The following NHERF2 variants were observed in gnomAD, a reference collection of about 807,000 sequenced individuals.
NHERF2 encodes the protein Na(+)/H(+) exchange regulatory cofactor NHE-RF2.
the NHERF2 span, among the ~76,000 whole-genome samples, chr16:2,035,170 A>T: frequency 6.6e-6 from 1 of 152,052 alleles, no homozygotes; most frequent in Non-Finnish European, 1.5e-5. Context: ...GGTGTTCCAG[A>T]CCAAGGGCAG....
the NHERF2 span, chr16:2,035,607 G>A: frequency 1.0e-6 from 1 of 986,442 alleles, no homozygotes; most frequent in Non-Finnish European, 1.2e-6. Flanking sequence ...CCGCACCCTG[G>A]CCCACCCCCT....
chr16:2,026,965 C>T, the NHERF2 span: 4 of 916,560 alleles, frequency 4.4e-6, no homozygotes, highest in Non-Finnish European at 5.2e-6. Context: ...CCGAGCTCCC[C>T]CGCGCCCCTG....
the NHERF2 span, chr16:2,029,388 G>T: frequency 1.7e-6 from 1 of 597,160 alleles, no homozygotes; most frequent in Non-Finnish European, 3.0e-6. Flanking sequence ...AGTGTCCGGA[G>T]CCTGAGTGCA....
chr16:2,035,386 C>G, the NHERF2 span: 23 of 985,822 alleles, frequency 2.3e-5, no homozygotes, highest in African/African-American at 3.8e-4. Context: ...GCCATGCCGC[C>G]CCAGCCCTGG....
At chr16:2,037,632 G>A in the NHERF2 span, 40 of 1,606,324 alleles carry the variant, frequency 2.5e-5, no homozygotes, top group African/African-American at 5.3e-5. Context: ...GAGCTCACAC[G>A]TGGGGTTGCT....
the NHERF2 span, among the ~76,000 whole-genome samples, chr16:2,029,114 A>T: frequency 6.6e-6 from 1 of 152,224 alleles, no homozygotes; most frequent in African/African-American, 2.4e-5. Context: ...ATGGGCACAG[A>T]CACACTCAAA....
chr16:2,036,909 G>A, the NHERF2 span: 1 of 1,588,644 alleles, frequency 6.3e-7, no homozygotes, highest in Non-Finnish European at 8.6e-7. Context: ...GCACAGGGTG[G>A]GTGCGGTGTG....
the NHERF2 span, among the ~76,000 whole-genome samples, chr16:2,037,183 G>A: frequency 6.6e-6 from 1 of 152,212 alleles, no homozygotes; most frequent in Non-Finnish European, 1.5e-5. Context: ...AAGCCACGTG[G>A]GGCCCCTGGG....
chr16:2,034,786 T>TC, the NHERF2 span, among the ~76,000 whole-genome samples: 20 of 147,374 alleles, frequency 1.4e-4, no homozygotes, highest in African/African-American at 4.8e-4. Flanking sequence ...GTGCTCCACT[T>TC]CCCCTCCCGA....
the NHERF2 span, chr16:2,037,913 G>A: frequency 1.2e-6 from 2 of 1,612,422 alleles, no homozygotes; most frequent in Non-Finnish European, 1.7e-6. Context: ...GAAGGCTCGA[G>A]CCATGCGAGT....
At chr16:2,036,657 C>A in the NHERF2 span, 1 of 1,578,364 alleles carries the variant, frequency 6.3e-7, no homozygotes, top group South Asian at 1.1e-5. Flanking sequence ...ATATTTGATG[C>A]CACACCTGGC....
the NHERF2 span, chr16:2,038,227 G>C: frequency 7.0e-5 from 41 of 582,914 alleles, no homozygotes; most frequent in Admixed American, 6.0e-4. Flanking sequence ...GAGACAGAGA[G>C]AGAGAGAGAG....
chr16:2,037,995 G>A, the NHERF2 span: 1 of 1,613,350 alleles, frequency 6.2e-7, no homozygotes, highest in South Asian at 1.1e-5. Flanking sequence ...GCCCCTTCCT[G>A]CCTGTCTCGG....
the NHERF2 span, chr16:2,036,595 G>A: frequency 3.9e-6 from 6 of 1,521,028 alleles, no homozygotes; most frequent in Non-Finnish European, 5.3e-6. Flanking sequence ...GAGACGCTGG[G>A]AACCTGAGCT....
At chr16:2,027,316 G>A in the NHERF2 span, 2 of 672,016 alleles carry the variant, frequency 3.0e-6, no homozygotes, top group East Asian at 3.7e-5. Context: ...GGGCTCCCGC[G>A]GGGAGGACGC....
the NHERF2 span, among the ~76,000 whole-genome samples, chr16:2,034,945 G>T: frequency 1.7e-4 from 26 of 152,226 alleles, no homozygotes; most frequent in Non-Finnish European, 2.2e-4. Flanking sequence ...TCTGGGGGAG[G>T]AGTGAGTCTA....
the NHERF2 span, among the ~76,000 whole-genome samples, chr16:2,027,918 C>T: frequency 2.6e-5 from 4 of 152,218 alleles, no homozygotes; most frequent in African/African-American, 4.8e-5. Context: ...AACCACATTC[C>T]TTAGCTACAA....
At chr16:2,036,596 A>G in the NHERF2 span, 3 of 1,519,978 alleles carry the variant, frequency 2.0e-6, no homozygotes, top group Non-Finnish European at 2.7e-6. Flanking sequence ...AGACGCTGGG[A>G]ACCTGAGCTG....
chr16:2,036,576 G>A, the NHERF2 span: 5 of 1,521,026 alleles, frequency 3.3e-6, no homozygotes, highest in Non-Finnish European at 4.4e-6. Flanking sequence ...GGTCCTTGCA[G>A]GGAGGAGGGA....
Sources: allele counts gnomAD v4.1 joint callset (sites outside exome capture counted in the v4.1 genomes callset), GRCh38; gene constraint gnomAD v4.1.1; transcripts MANE v1.5; gene names NCBI Gene and HGNC (gene_info 2026-07-23, HGNC 2026-07-21).